Variants in WBP4 observed in about 807,000 individuals in gnomAD.
WBP4 encodes the protein WW domain-binding protein 4.
WBP4 carries 37 observed loss-of-function variants against 55.4 expected under a neutral mutation model. That is an observed-to-expected ratio of 0.67 (90% CI 0.51 to 0.88). The LOEUF (loss-of-function observed/expected upper bound fraction) is 0.88, where lower values mean the gene tolerates loss of function less well. WBP4 is among the 40% of genes least tolerant of loss of function. The probability of loss-of-function intolerance (pLI) is 0.00; values close to 1 mark genes in which losing one functional copy is unlikely to be tolerated. For missense variants in WBP4, 398 were observed against 420.8 expected, an observed-to-expected ratio of 0.95 and a Z score of 0.47; for synonymous variants, 142 against 140.2, an observed-to-expected ratio of 1.01 and a Z score of -0.09.
At chr13:41,064,958 A>G (rs1444600002) in intron 2 of WBP4, 58 bp from the exon 3 acceptor site, 5 of 1,402,774 alleles carry the variant, frequency 3.6e-6, no homozygotes, top group African/African-American at 1.5e-5. Flanking sequence ...TATGTTTACT[A>G]TGAATTTTAT....
chr13:41,071,576 A>G lies in WBP4; in HGVS notation c.486+3A>G. On this transcript the variant is annotated splice_donor_region_variant and intron_variant, in intron 6 of 9. Transcript: ENST00000379487. Reference sequence around the variant, plus strand: ...GATTTCAAGGAGACTTAAAAAAGGTAATTGAAGCATATTAATAGTGTTTTT... The same window carrying G: ...GATTTCAAGGAGACTTAAAAAAGGTGATTGAAGCATATTAATAGTGTTTTT... 1.9e-6 allele frequency: 3 copies of G among 1,608,444 alleles called. No homozygotes were observed. The highest frequency in any genetic ancestry group is 2.5e-6 in the Non-Finnish European group (3 of 1,177,114).
At position 41,068,797 on chromosome 13, in the gene WBP4, T is replaced by G. The variant is rs1284802638; in HGVS notation, c.439+60T>G. 27 of 1,408,918 alleles carry G rather than the reference T, an allele frequency of 1.9e-5. 1 individual carries two copies. The East Asian group carries it at 6.6e-4, about 35-fold the overall frequency. The allele number at this position is 1,408,918 out of a possible 1,614,324, so 87.3% of individuals were successfully genotyped here. On this transcript the variant is annotated intron_variant, in intron 5 of 9. Transcript: ENST00000379487. ...GTGTCACTAGTAGAATAGAACAATT[T>G]ATTTTATGTTAGGATTTTTATCTAA...
chr13:41,081,588 T>C (rs1329071281), intron 9 of WBP4, among the ~76,000 whole-genome samples: 1 of 151,912 alleles, frequency 6.6e-6, no homozygotes, highest in Admixed American at 6.6e-5. Flanking sequence ...TACATTTCTA[T>C]AGGATTCAGT....
chr13:41,080,029 C>G (rs1413740816), intron 8 of WBP4, among the ~76,000 whole-genome samples: 3 of 128,782 alleles, frequency 2.3e-5, no homozygotes, highest in Non-Finnish European at 1.5e-5. Context: ...CATGGACATA[C>G]AGAATGGACT....
rs373229392 is a variant in WBP4, at chr13:41,062,622, C to T, written c.3-22C>T. ...TTTTTTAAGTTTTACATGAGCTTAG[C>T]CTTGTTGTCTCTCTTTTTCAGGGCG... On this transcript the variant is annotated intron_variant, in intron 1 of 9. Coordinates refer to ENST00000379487, the MANE Select transcript of WBP4 (RefSeq NM_007187.5). 2.2e-5 allele frequency: 36 copies of T among 1,609,812 alleles called. No homozygotes were observed. In the African/African-American group the frequency reaches 4.7e-4, roughly 21 times the overall value.
intron 7 of WBP4, among the ~76,000 whole-genome samples, chr13:41,073,879 G>T (rs1878360897): frequency 6.6e-6 from 1 of 151,466 alleles, no homozygotes; most frequent in Admixed American, 6.6e-5. Flanking sequence ...ATTTAACAAT[G>T]TTTCAGTTGC....
Position 41,076,034 on chromosome 13 carries a change from T to C in WBP4, c.563-10T>C, listed in dbSNP as rs950014671. ...AACTAAATAACATGACTTTAAAATG[T>C]GTTGAGCAGAATCCAGATGGGAGAA... On this transcript the variant is annotated splice_polypyrimidine_tract_variant and intron_variant, in intron 7 of 9. Transcript: ENST00000379487. 1 of 1,606,962 alleles carries C rather than the reference T, an allele frequency of 6.2e-7. No homozygotes were observed. The highest frequency in any genetic ancestry group is 8.5e-7 in the Non-Finnish European group (1 of 1,178,392).
At chr13:41,069,979 G>A (rs770923975) in intron 5 of WBP4, among the ~76,000 whole-genome samples, 3 of 151,772 alleles carry the variant, frequency 2.0e-5, no homozygotes, top group Non-Finnish European at 2.9e-5. Flanking sequence ...TGTATTTGGG[G>A]TTTTTACTCC....
chr13:41,068,166 A>T (rs1008270940), intron 4 of WBP4, among the ~76,000 whole-genome samples: 6 of 152,178 alleles, frequency 3.9e-5, no homozygotes, highest in Admixed American at 3.9e-4. Context: ...CGTTGTACCC[A>T]GTAGGTAATT....
chr13:41,066,166 T>A (rs547750726), intron 4 of WBP4, among the ~76,000 whole-genome samples: 1 of 152,348 alleles, frequency 6.6e-6, no homozygotes, highest in East Asian at 1.9e-4. Context: ...ATTTAGGCAT[T>A]CCTGGAGAAT....
intron 8 of WBP4, among the ~76,000 whole-genome samples, chr13:41,079,918 A>T (rs1878690093): frequency 6.6e-6 from 1 of 152,216 alleles, no homozygotes; most frequent in African/African-American, 2.4e-5. Flanking sequence ...TAGCTTTTGC[A>T]GCTATGTGAA....
chr13:41,076,371 C>T (rs377617343), intron 8 of WBP4, 134 bp downstream of exon 8: 59 of 674,902 alleles, frequency 8.7e-5, no homozygotes, highest in African/African-American at 7.9e-4. Flanking sequence ...CTCCACCTTC[C>T]GGGTTCAAGC....
chr13:41,079,017 TAAAC>T (rs994830589), intron 8 of WBP4, among the ~76,000 whole-genome samples: 7 of 151,714 alleles, frequency 4.6e-5, no homozygotes, highest in East Asian at 1.9e-4. Flanking sequence ...ACAGGGTAAA[TAAAC>T]AGCCCACATA....
chr13:41,062,614 G>A, intron 1 of WBP4, 30 bp from the exon 2 acceptor site: 1 of 1,595,624 alleles, frequency 6.3e-7, no homozygotes, highest in South Asian at 1.1e-5. Context: ...AGTTTTACAT[G>A]AGCTTAGCCT....
rs367940713 is a variant in WBP4 at position 41,080,719 on chromosome 13, C to A, written c.830C>A (p.Ser277Ter). The A allele has an allele frequency of 2.2e-5, 36 of 1,606,560 alleles. No homozygotes were observed. The highest frequency in any genetic ancestry group is 3.1e-5 in the Non-Finnish European group (36 of 1,178,140). ...QKEKSIQKQN[S>*]LGSNEEKSKT... ...GAAAAAAGTATTCAGAAACAGAATT[C>A]ATTAGGTTCAAATGAAGAAAAATCG... Residue 277 changes from serine (S) to a stop codon, truncating the protein, a stop_gained, in exon 9 of 10, where the codon TCA becomes TAA. Coordinates refer to ENST00000379487, the MANE Select transcript of WBP4 (RefSeq NM_007187.5). LOFTEE classifies it high-confidence loss of function.
rs1178769122 is a variant in WBP4, at chr13:41,083,056, AT to A, written c.*148del. On this transcript the variant is annotated 3_prime_UTR_variant, in exon 10 of 10. Coordinates refer to ENST00000379487, the MANE Select transcript of WBP4 (RefSeq NM_007187.5). ...GTATTTGATGTGAATTAAAATAAAT[AT>A]TTTTTCATGTGAAATTTATTTTGGT... 9.4e-6 allele frequency: 8 copies of A among 852,626 alleles called. No individual in the cohort carries two copies. The African/African-American group carries it at 1.0e-4, about 11-fold the overall frequency. The allele number at this position is 852,626 out of a possible 1,614,324, so 52.8% of individuals were successfully genotyped here.
rs1020107423 is a variant in WBP4 at position 41,070,653 on chromosome 13, C to T, written c.440-874C>T. Among the ~76,000 whole-genome samples the T allele has an allele frequency of 1.6e-4, 24 of 151,856 alleles. 1 individual carries two copies. The highest frequency in any genetic ancestry group is 5.3e-4 in the African/African-American group (22 of 41,306). On this transcript the variant is annotated intron_variant, in intron 5 of 9. Coordinates refer to ENST00000379487, the MANE Select transcript of WBP4 (RefSeq NM_007187.5). ...TTGATGGTTACAGTGTGGAGCTGAG[C>T]AAAATTGAGTCTGGGGATGTAGATA...
Position 41,080,803 on chromosome 13 carries a change from A to G in WBP4, c.914A>G (p.Glu305Gly). ...TGGCAAGAAATTAAACAAGAGGTTG[A>G]GTCTCAGTAAGTACCTGGAGCTTTA... ...GEWQEIKQEV[E>G]SHEEVDLELP... Residue 305 changes from glutamate (E) to glycine (G), a missense_variant, in exon 9 of 10, where the codon GAG becomes GGG. Transcript: ENST00000379487. 6.2e-7 allele frequency: 1 copy of G among 1,605,756 alleles called. No individual in the cohort carries two copies. Among genetic ancestry groups the G allele is most frequent in the Non-Finnish European group, 8.5e-7 (1 of 1,178,212 alleles).
intron 4 of WBP4, among the ~76,000 whole-genome samples, chr13:41,067,154 A>G (rs942250778): frequency 2.0e-5 from 3 of 152,038 alleles, no homozygotes; most frequent in African/African-American, 7.2e-5. Flanking sequence ...GGGTCTTGCC[A>G]TGTTGCCCAG....
Sources: allele counts gnomAD v4.1 joint callset (sites outside exome capture counted in the v4.1 genomes callset), GRCh38; gene constraint gnomAD v4.1.1; transcripts MANE v1.5; gene names NCBI Gene and HGNC (gene_info 2026-07-23, HGNC 2026-07-21).